Variants in IL16 observed in about 807,000 individuals in gnomAD.
The protein encoded by IL16 is pro-interleukin-16.
Under a neutral mutation model 110.1 loss-of-function variants are expected in IL16, and 67 were observed. The ratio of observed to expected loss-of-function variants is 0.61; its 90% CI spans 0.50 to 0.75. The LOEUF (loss-of-function observed/expected upper bound fraction) is 0.75, where lower values mean the gene tolerates loss of function less well. IL16 is among the 30% of genes least tolerant of loss of function. The pLI is 0.00. For synonymous variants in IL16, 689 were observed against 662.9 expected (o/e 1.04, Z -0.61); for missense variants, 1,545 against 1,655.0 (o/e 0.93, Z 1.15).
At chr15:81,306,769 T>A in intron 18 of IL16, 1 of 582,886 alleles carries the variant, frequency 1.7e-6, no homozygotes, top group South Asian at 1.8e-5. Flanking sequence ...TCTTCAAAAA[T>A]ACCTAAGTCC....
intron 1 of IL16, among the ~76,000 whole-genome samples, chr15:81,216,423 C>A (rs960355651): frequency 3.9e-5 from 6 of 152,162 alleles, no homozygotes; most frequent in Admixed American, 3.3e-4. Flanking sequence ...GCAGGGTTCC[C>A]AGCTTCTTCC....
chr15:81,292,408 C>A, intron 11 of IL16, 148 bp from the exon 12 acceptor site: 1 of 1,174,906 alleles, frequency 8.5e-7, no homozygotes, highest in Non-Finnish European at 1.3e-6. Flanking sequence ...AACACCAAGA[C>A]TGCCATACTC....
chr15:81,277,038 A>AT (rs1446743304), intron 6 of IL16, among the ~76,000 whole-genome samples: 1 of 152,136 alleles, frequency 6.6e-6, no homozygotes, highest in Non-Finnish European at 1.5e-5. Context: ...GTAAAAAAAA[A>AT]AATAAGTGGA....
chr15:81,200,912 TGAGGGTTG>T (rs538641834), intron 1 of IL16, among the ~76,000 whole-genome samples: 14 of 152,274 alleles, frequency 9.2e-5, no homozygotes, highest in African/African-American at 3.1e-4. Context: ...CGAGCAATGG[TGAGGGTTG>T]GAGAAGGTGG....
At chr15:81,301,795 G>A (rs1402623139) in intron 15 of IL16, among the ~76,000 whole-genome samples, 1 of 152,194 alleles carries the variant, frequency 6.6e-6, no homozygotes, top group Non-Finnish European at 1.5e-5. Flanking sequence ...CAGAACCTGG[G>A]TTTTCTGTCT....
chr15:81,214,848 T>C (rs1896369543), intron 1 of IL16, among the ~76,000 whole-genome samples: 1 of 152,232 alleles, frequency 6.6e-6, no homozygotes, highest in Non-Finnish European at 1.5e-5. Context: ...TCCCTTTATC[T>C]GATTGAGTGG....
At chr15:81,298,241 CA>C (rs1382124181) in intron 13 of IL16, among the ~76,000 whole-genome samples, 1 of 152,206 alleles carries the variant, frequency 6.6e-6, no homozygotes, top group Admixed American at 6.5e-5. Flanking sequence ...TTGATATCAT[CA>C]AGGTGTAATG....
At chr15:81,183,677 C>A (rs1895377947) in intron 1 of IL16, among the ~76,000 whole-genome samples, 1 of 152,188 alleles carries the variant, frequency 6.6e-6, no homozygotes, top group Non-Finnish European at 1.5e-5. Context: ...TGGCTAGAAC[C>A]CTGGCATCTA....
At position 81,226,162 on chromosome 15, in the gene IL16, C is replaced by T. The variant is rs190158483; in HGVS notation, c.312+451C>T. ...GGGGTGCCGGATGAGTGAGTTTGTT[C>T]CCTGAATGCTGACTGTGAACATTTT... On this transcript the variant is annotated intron_variant, in intron 2 of 18. Transcript: ENST00000683961. 2.0e-5 allele frequency among the ~76,000 whole-genome samples: 3 copies of T among 152,254 alleles called. No homozygotes were observed. The East Asian group carries it at 5.8e-4, about 29-fold the overall frequency.
intron 3 of IL16, among the ~76,000 whole-genome samples, chr15:81,260,096 G>A (rs1898097037): frequency 6.6e-6 from 1 of 152,156 alleles, no homozygotes; most frequent in South Asian, 2.1e-4. Context: ...GGAAAGACCT[G>A]GGTGTGGGGA....
Position 81,313,441 on chromosome 15 carries a change from G to A in IL16, c.*4643G>A, listed in dbSNP as rs765156166. The A allele has an allele frequency of 1.4e-5, 21 of 1,467,596 alleles. No homozygotes were observed. Among genetic ancestry groups the A allele is most frequent in the African/African-American group, 1.4e-5 (1 of 69,234 alleles). 90.9% of individuals were successfully genotyped at this position (1,467,596 alleles called of 1,614,324 possible). On this transcript the variant is annotated 3_prime_UTR_variant, in exon 19 of 19. Coordinates refer to ENST00000683961, the MANE Select transcript of IL16 (RefSeq NM_172217.5). The stretch of plus-strand genomic sequence containing the variant: ...CAGCAGAGCTGTGTTATGATCTGCA[G>A]CAGAGGTGCTGGGGACGAGCGCCAG...
chr15:81,265,843 G>A lies in IL16; in HGVS notation c.564+42G>A, dbSNP rs180953765. 4 of 1,572,114 alleles carry A rather than the reference G, an allele frequency of 2.5e-6. No homozygotes were observed. In the East Asian group the frequency reaches 6.9e-5, roughly 27 times the overall value. ...GGAAACTCAGAGAAGAGTTTCTCCC[G>A]GGGAGAAGGGAGGGGCCCAACATTA... On this transcript the variant is annotated intron_variant, in intron 4 of 18. Transcript: ENST00000683961.
chr15:81,243,707 T>A (rs1897432687), intron 2 of IL16, among the ~76,000 whole-genome samples: 1 of 152,226 alleles, frequency 6.6e-6, no homozygotes, highest in Non-Finnish European at 1.5e-5. Flanking sequence ...TTTGGAAGTT[T>A]TGAAATTACA....
intron 1 of IL16, among the ~76,000 whole-genome samples, chr15:81,205,304 T>TCCAGCCTAGATGACAGAG: frequency 1.8e-5 from 2 of 111,790 alleles, no homozygotes; most frequent in East Asian, 8.0e-4. Flanking sequence ...AGACTCCATC[T>TCCAGCCTAGATGACAGAG]CAAAAAAAAA....
At chr15:81,268,625 A>G (rs1044558775) in intron 4 of IL16, among the ~76,000 whole-genome samples, 3 of 152,284 alleles carry the variant, frequency 2.0e-5, no homozygotes, top group Non-Finnish European at 4.4e-5. Context: ...CTACCTCCAC[A>G]TTCACAGCTG....
intron 1 of IL16, among the ~76,000 whole-genome samples, chr15:81,189,650 G>A (rs368254963): frequency 2.6e-5 from 4 of 152,146 alleles, no homozygotes; most frequent in African/African-American, 7.2e-5. Context: ...GTGATTCTGA[G>A]CCAAGCCTTG....
chr15:81,291,877 C>T (rs762059158), intron 11 of IL16: 2 of 455,496 alleles, frequency 4.4e-6, no homozygotes, highest in South Asian at 3.1e-5. Context: ...GTTATTGAGC[C>T]TCAAAATAAC....
chr15:81,268,220 C>T (rs1260886316), intron 4 of IL16, among the ~76,000 whole-genome samples: 1 of 152,202 alleles, frequency 6.6e-6, no homozygotes, highest in Non-Finnish European at 1.5e-5. Context: ...TGCAAGCCAA[C>T]AAGAGAGAGG....
In IL16 at chr15:81,313,253, GCATTACT is replaced by G; in HGVS notation, c.*4459_*4465del. 6.4e-7 allele frequency: 1 copy of G among 1,561,798 alleles called. No individual in the cohort carries two copies. The highest frequency in any genetic ancestry group is 1.9e-5 in the Admixed American group (1 of 52,874). On this transcript the variant is annotated 3_prime_UTR_variant, in exon 19 of 19. Transcript: ENST00000683961. ...AGTTCTTTGCCAAGAAGTAACGATA[GCATTACT>G]CATGGAATTGCTTCACTGCTTTCTG...
Sources: gnomAD v4.1 joint callset for allele counts (sites outside exome capture counted in the v4.1 genomes callset) on GRCh38, gnomAD v4.1.1 for gene constraint, MANE v1.5 for transcripts, NCBI Gene and HGNC (gene_info 2026-07-23, HGNC 2026-07-21) for gene names.